Variants in DBP observed in about 807,000 individuals in gnomAD.
DBP encodes the protein D site-binding protein.
A neutral mutation model predicts 21.4 loss-of-function variants in DBP; 12 were observed. The observed-to-expected ratio is 0.56, with a 90% CI of 0.36 to 0.91. DBP has a LOEUF of 0.91. Among genes scored for constraint, DBP ranks in the 40% least tolerant of loss-of-function variants. The pLI is 0.01. For synonymous variants in DBP, 213 were observed against 224.9 expected, an observed-to-expected ratio of 0.95 and a Z score of 0.47; for missense variants, 423 against 473.4, an observed-to-expected ratio of 0.89 and a Z score of 0.99.
chr19:48,630,314 T>A lies in DBP; in HGVS notation c.*523A>T. 2.3e-6 allele frequency: 3 copies of A among 1,292,456 alleles called. No individual in the cohort carries two copies. The highest frequency in any genetic ancestry group is 2.9e-6 in the Non-Finnish European group (3 of 1,020,924). The allele number at this position is 1,292,456 out of a possible 1,614,324, so 80.1% of individuals were successfully genotyped here. ...GCGGGTGGGGGCGGGGAAATTCATA[T>A]CCCCTGTTCGTCTCATGCGCGTCCT... On this transcript the variant is annotated 3_prime_UTR_variant, in exon 4 of 4. Transcript: ENST00000222122. The surrounding 1 kb of genome is among the most constrained non-coding windows in gnomAD (Gnocchi z 4.9).
rs2030477962 is a variant in DBP at position 48,630,141 on chromosome 19, G to T, written c.*696C>A. The T allele has an allele frequency of 3.2e-6, 4 of 1,253,052 alleles. No individual in the cohort carries two copies. Among genetic ancestry groups the T allele is most frequent in the Admixed American group, 7.7e-5 (2 of 26,062 alleles). The allele number at this position is 1,253,052 out of a possible 1,614,324, so 77.6% of individuals were successfully genotyped here. On this transcript the variant is annotated 3_prime_UTR_variant, in exon 4 of 4. Coordinates refer to ENST00000222122, the MANE Select transcript of DBP (RefSeq NM_001352.5). The surrounding 1 kb of genome is among the most constrained non-coding windows in gnomAD (Gnocchi z 4.9). ...CCAATGACAGGACCTGGAATGTACT[G>T]GCTGGGGTAGGCCTCAGTGAGTCGG...
At chr19:48,635,441 CACG>C in intron 2 of DBP, 136 bp downstream of exon 2, 1 of 1,477,928 alleles carries the variant, frequency 6.8e-7, no homozygotes, top group South Asian at 1.2e-5. Context: ...GGCCCCCTCC[CACG>C]ACACCTCTCG....
chr19:48,635,610 C>T lies in DBP; in HGVS notation c.520G>A (p.Ala174Thr), dbSNP rs1356414562. ...SSPGHAPARAALGTASGHRAG... is the reference protein window; with the variant it reads ...SSPGHAPARATLGTASGHRAG... ...CGGTGGCCGCTGGCGGTCCCGAGGG[C>T]AGCCCGGGCGGGGGCGTGCCCAGGA... The change falls in exon 2 of 4, where the codon GCC becomes ACC. Residue 174 changes from alanine (A) to threonine (T), a missense_variant. Ala to Thr is a moderately conservative substitution (Grantham distance 58). Coordinates refer to ENST00000222122, the MANE Select transcript of DBP (RefSeq NM_001352.5). The T allele has an allele frequency of 1.5e-6, 2 of 1,350,956 alleles. No individual in the cohort carries two copies. Among genetic ancestry groups the T allele is most frequent in the African/African-American group, 1.5e-5 (1 of 64,650 alleles). 83.7% of individuals were successfully genotyped at this position (1,350,956 alleles called of 1,614,324 possible).
At position 48,635,652 on chromosome 19, in the gene DBP, C is replaced by A; in HGVS notation, c.478G>T (p.Ala160Ser). ...PSPGPGSCGS[A>S]SPRSSPGHAP... Reference sequence around the variant, plus strand: ...TGCCCAGGAGAGGAGCGGGGGGAAGCCGAGCCGCACGAACCCGGCCCTGGG... The same window carrying A: ...TGCCCAGGAGAGGAGCGGGGGGAAGACGAGCCGCACGAACCCGGCCCTGGG... Residue 160 changes from alanine (A) to serine (S), a missense_variant, in exon 2 of 4, where the codon GCT becomes TCT. Physicochemically the swap from Ala to Ser is moderately conservative, Grantham distance 99 (BLOSUM62 1). Transcript: ENST00000222122. 7.6e-7 allele frequency: 1 copy of A among 1,314,956 alleles called. No individual in the cohort carries two copies. 81.5% of individuals were successfully genotyped at this position (1,314,956 alleles called of 1,614,324 possible). A position where few individuals can be genotyped will look rare whatever the true frequency, so the allele number is the denominator to read the frequency against.
At chr19:48,635,534 T>C (rs1435966122) in intron 2 of DBP, 46 bp downstream of exon 2, 3 of 1,451,302 alleles carry the variant, frequency 2.1e-6, no homozygotes, top group Non-Finnish European at 1.8e-6. Context: ...GCCCCCTGAG[T>C]CCAAGCCCCG....
chr19:48,631,884 G>A (rs1356410101), intron 3 of DBP: 2 of 152,154 alleles, frequency 1.3e-5, no homozygotes, highest in African/African-American at 4.8e-5. Context: ...CCTCTAGAAG[G>A]AGAAACCACT....
Position 48,637,115 on chromosome 19 carries a change from G to T in DBP, c.-121C>A. On this transcript the variant is annotated 5_prime_UTR_variant, in exon 1 of 4. Coordinates refer to ENST00000222122, the MANE Select transcript of DBP (RefSeq NM_001352.5). ...GCCCAGGGGCGGGCGAGTGTAGCCT[G>T]CAACCCTCCAGTATCCAGAACGCTG... 1 of 905,108 alleles carries T rather than the reference G, an allele frequency of 1.1e-6. No individual in the cohort carries two copies. Among genetic ancestry groups the T allele is most frequent in the Non-Finnish European group, 1.6e-6 (1 of 629,640 alleles). 56.1% of individuals were successfully genotyped at this position (905,108 alleles called of 1,614,324 possible). A position where few individuals can be genotyped will look rare whatever the true frequency, so the allele number is the denominator to read the frequency against.
At position 48,637,227 on chromosome 19, in the gene DBP, G is replaced by T. The variant is rs1031273808; in HGVS notation, c.-233C>A. The T allele has an allele frequency of 4.7e-6, 2 of 422,390 alleles. No individual in the cohort carries two copies. Among genetic ancestry groups the T allele is most frequent in the Non-Finnish European group, 8.4e-6 (2 of 237,782 alleles). The allele number at this position is 422,390 out of a possible 1,614,324, so 26.2% of individuals were successfully genotyped here. ...TCCCGGGAGATCATGCAATCTGGGC[G>T]AGGGGGTGTCCAGATCAAGCGGTCG... On this transcript the variant is annotated 5_prime_UTR_variant, in exon 1 of 4. Transcript: ENST00000222122.
At chr19:48,631,407 G>A (rs2030580400) in intron 3 of DBP, 1 of 262,584 alleles carries the variant, frequency 3.8e-6, no homozygotes, top group Non-Finnish European at 7.5e-6. Context: ...CCAATGAAGA[G>A]CACTGCCCTG....
chr19:48,633,668 GCACGTGT>G lies in DBP; in HGVS notation c.551-20_551-14del. 1 of 1,609,992 alleles carries G rather than the reference GCACGTGT, an allele frequency of 6.2e-7. No homozygotes were observed. Among genetic ancestry groups the G allele is most frequent in the Non-Finnish European group, 8.5e-7 (1 of 1,176,770 alleles). ...CGAGAGGTCAGGCCTTGGGGAAACA[GCACGTGT>G]CAGCTGAGTGTGTATTTTAAGGAGG... On this transcript the variant is annotated splice_polypyrimidine_tract_variant and intron_variant, in intron 2 of 3. Transcript: ENST00000222122.
chr19:48,633,926 C>T, intron 2 of DBP: 1 of 467,248 alleles, frequency 2.1e-6, no homozygotes, highest in Non-Finnish European at 3.9e-6. Flanking sequence ...ATGGAGAAAC[C>T]TCATCTTTAC....
chr19:48,635,755 C>A lies in DBP; in HGVS notation c.375G>T (p.Glu125Asp). 2 of 1,389,160 alleles carry A rather than the reference C, an allele frequency of 1.4e-6. No homozygotes were observed. Among genetic ancestry groups the A allele is most frequent in the Admixed American group, 3.5e-5 (1 of 28,232 alleles). 86.1% of individuals were successfully genotyped at this position (1,389,160 alleles called of 1,614,324 possible). A position where few individuals can be genotyped will look rare whatever the true frequency, so the allele number is the denominator to read the frequency against. Residue 125 changes from glutamate (E) to aspartate (D), a missense_variant, in exon 2 of 4, where the codon GAG (glutamate) becomes GAT (aspartate). Glu to Asp is a conservative substitution (Grantham distance 45). This residue lies in a region of DBP where 283 missense variants were observed against 273.7 expected (regional missense o/e 1.03). Transcript: ENST00000222122. ...GCGGCGGGCTGGGCGGGAGCCCGTG[C>A]TCCAGCAGGAAGGCGTCCAGGTCTA... ...EYVDLDAFLL[E>D]HGLPPSPPPP...
chr19:48,634,992 G>T, intron 2 of DBP: 1 of 985,976 alleles, frequency 1.0e-6, no homozygotes, highest in Non-Finnish European at 1.2e-6. Context: ...AATATAGGAA[G>T]CTTGGCCCCA....
intron 2 of DBP, 92 bp downstream of exon 2, chr19:48,635,488 G>T: frequency 6.8e-7 from 1 of 1,480,000 alleles, no homozygotes; most frequent in East Asian, 2.9e-5. Context: ...CCGCAGCCAG[G>T]TCCCACGGTC....
rs779089789 is a variant in DBP, at chr19:48,637,170, T to C, written c.-176A>G. On this transcript the variant is annotated 5_prime_UTR_variant, in exon 1 of 4. Coordinates refer to ENST00000222122, the MANE Select transcript of DBP (RefSeq NM_001352.5). ...TCCTAGGAGCGACGGGGATTTGAGG[T>C]CCTCGGTGCAGAAACGTGCAACTCA... is the stretch of plus-strand genomic sequence containing the variant. 15 of 559,860 alleles carry C rather than the reference T, an allele frequency of 2.7e-5. No homozygotes were observed. The highest frequency in any genetic ancestry group is 3.7e-5 in the Admixed American group (1 of 27,248). 34.7% of individuals were successfully genotyped at this position (559,860 alleles called of 1,614,324 possible).
rs757186458 is a variant in DBP, at chr19:48,633,520, C to T, written c.686G>A (p.Arg229His). ...GGGCTTAAGTTCCTCTTCTGAGAAGCGATGTCTTCGAGGGTCAAAGGTCTC... is the reference window on the plus strand; with the variant it reads ...GGGCTTAAGTTCCTCTTCTGAGAAGTGATGTCTTCGAGGGTCAAAGGTCTC... ...GHETFDPRRHRFSEEELKPQP... is the reference protein window; with the variant it reads ...GHETFDPRRHHFSEEELKPQP... The change falls in exon 3 of 4, where the codon CGC becomes CAC. Residue 229 changes from arginine to histidine, a missense_variant. Coordinates refer to ENST00000222122, the MANE Select transcript of DBP (RefSeq NM_001352.5). The T allele has an allele frequency of 3.7e-6, 6 of 1,614,044 alleles. No individual in the cohort carries two copies. Among genetic ancestry groups the T allele is most frequent in the South Asian group, 3.3e-5 (3 of 91,092 alleles).
At position 48,637,301 on chromosome 19, in the gene DBP, A is replaced by C; in HGVS notation, c.-307T>G. 1 of 323,670 alleles carries C rather than the reference A, an allele frequency of 3.1e-6. No individual in the cohort carries two copies. The highest frequency in any genetic ancestry group is 1.1e-4 in the South Asian group (1 of 8,728). The allele number at this position is 323,670 out of a possible 1,614,324, so 20.0% of individuals were successfully genotyped here. ...GGGGACTCAAGGCGCTCCTTCTACA[A>C]GGTGGGCGAGCCTGGCTCTTGCAAA... On this transcript the variant is annotated 5_prime_UTR_variant, in exon 1 of 4. Coordinates refer to ENST00000222122, the MANE Select transcript of DBP (RefSeq NM_001352.5).
chr19:48,631,196 G>C, intron 3 of DBP, 144 bp from the exon 4 acceptor site: 1 of 676,672 alleles, frequency 1.5e-6, no homozygotes, highest in East Asian at 2.7e-5. Flanking sequence ...CTAGGGCCCT[G>C]GTTGCTAAGG....
chr19:48,634,881 T>C, intron 2 of DBP: 2 of 985,692 alleles, frequency 2.0e-6, no homozygotes, highest in Non-Finnish European at 2.4e-6. Context: ...CCTCCAAAGA[T>C]TCCCAACCCC....
Sources: gnomAD v4.1 joint callset for allele counts on GRCh38, gnomAD v4.1.1 for gene constraint, gnomAD v4.1.1 regional missense constraint, Gnocchi (gnomAD v3.1) non-coding constraint, MANE v1.5 for transcripts, NCBI Gene and HGNC (gene_info 2026-07-23, HGNC 2026-07-21) for gene names.